Variants in GPBP1L1 observed in about 807,000 individuals in gnomAD.
The protein encoded by GPBP1L1 is GC-rich promoter binding protein 1 like 1, also known as vasculin-like protein 1.
A neutral mutation model predicts 52.5 loss-of-function variants in GPBP1L1; 23 were observed. The ratio of observed to expected loss-of-function variants is 0.44; its 90% CI spans 0.32 to 0.62. GPBP1L1 has a LOEUF of 0.62. Ranked by LOEUF, GPBP1L1 falls within the 20% of genes least tolerant of loss-of-function variation. The probability of loss-of-function intolerance (pLI) is 0.06; values close to 1 mark genes in which losing one functional copy is unlikely to be tolerated. For synonymous variants in GPBP1L1, 243 were observed against 203.1 expected (o/e 1.20, Z -1.67); for missense variants, 596 against 579.3 (o/e 1.03, Z -0.30).
intron 2 of GPBP1L1, among the ~76,000 whole-genome samples, chr1:45,667,439 CACA>C (rs1239422356): frequency 6.6e-6 from 1 of 152,182 alleles, no homozygotes; most frequent in African/African-American, 2.4e-5. Context: ...TTCGGTACTT[CACA>C]ACATGACCTA....
At chr1:45,670,899 T>C (rs543488771) in intron 2 of GPBP1L1, among the ~76,000 whole-genome samples, 1 of 150,666 alleles carries the variant, frequency 6.6e-6, no homozygotes, top group South Asian at 2.1e-4. Flanking sequence ...TTCACGCCAT[T>C]CTCCTGCCTC....
chr1:45,663,592 G>C (rs964230594), intron 2 of GPBP1L1, among the ~76,000 whole-genome samples: 3 of 152,230 alleles, frequency 2.0e-5, no homozygotes, highest in African/African-American at 7.2e-5. Context: ...TGCATGTGCA[G>C]AGTATGTGGT....
At chr1:45,662,307 A>T (rs764046474) in intron 2 of GPBP1L1, among the ~76,000 whole-genome samples, 2 of 152,102 alleles carry the variant, frequency 1.3e-5, no homozygotes, top group Non-Finnish European at 2.9e-5. Flanking sequence ...ATGCCCATCT[A>T]ATTAAAAAAC....
At chr1:45,673,049 C>T (rs1046354724) in intron 2 of GPBP1L1, among the ~76,000 whole-genome samples, 1 of 152,128 alleles carries the variant, frequency 6.6e-6, no homozygotes, top group Non-Finnish European at 1.5e-5. Context: ...TTTTACTGCA[C>T]TGATAGGAAT....
intron 2 of GPBP1L1, among the ~76,000 whole-genome samples, chr1:45,669,902 A>C (rs1645054370): frequency 6.6e-6 from 1 of 152,250 alleles, no homozygotes; most frequent in African/African-American, 2.4e-5. Flanking sequence ...ACTCCTTTTT[A>C]GTATTTCCCT....
chr1:45,675,224 G>A (rs1645124923), intron 2 of GPBP1L1, among the ~76,000 whole-genome samples: 1 of 152,042 alleles, frequency 6.6e-6, no homozygotes, highest in Non-Finnish European at 1.5e-5. Flanking sequence ...TTGAACCCAG[G>A]AGGCGGAGGT....
In GPBP1L1 at chr1:45,633,501, G is replaced by A. The variant is rs1360533399; in HGVS notation, c.1032C>T (p.Asp344=). Residue 344 remains aspartate, a synonymous_variant, in exon 10 of 13, where the codon GAC becomes GAT. Coordinates refer to ENST00000355105, the MANE Select transcript of GPBP1L1 (RefSeq NM_021639.5). ...CGGATGCTCTTACATCTTCCAGCTT[G>A]TCACAGTCTCTATTCTCTGAGAAGT... ...NGDFSENRDC[D]KLEDLEDNST... 6.2e-7 allele frequency: 1 copy of A among 1,613,914 alleles called. No homozygotes were observed.
At chr1:45,629,935 G>A (rs561834959) in intron 11 of GPBP1L1, among the ~76,000 whole-genome samples, 10 of 151,830 alleles carry the variant, frequency 6.6e-5, no homozygotes, top group Non-Finnish European at 1.5e-4. Context: ...AAGGAAGAAA[G>A]AGAGCACTTG....
intron 6 of GPBP1L1, 62 bp downstream of exon 6, chr1:45,654,481 G>A: frequency 7.2e-7 from 1 of 1,381,224 alleles, no homozygotes; most frequent in Non-Finnish European, 9.9e-7. Flanking sequence ...TTACTAACAG[G>A]GTCTCATATT....
chr1:45,639,737 C>T (rs1644645784), intron 8 of GPBP1L1, among the ~76,000 whole-genome samples: 2 of 151,914 alleles, frequency 1.3e-5, no homozygotes, highest in African/African-American at 2.4e-5. Context: ...AACACCGAGC[C>T]GGGTGTGGTG....
chr1:45,638,484 T>C (rs112053472), intron 8 of GPBP1L1, among the ~76,000 whole-genome samples: 210 of 152,346 alleles, frequency 1.4e-3, no homozygotes, highest in Middle Eastern at 3.4e-3. Context: ...CACCCACTTG[T>C]ATTTCTGTGA....
intron 2 of GPBP1L1, among the ~76,000 whole-genome samples, chr1:45,683,122 C>G (rs1569900561): frequency 1.4e-5 from 2 of 146,556 alleles, no homozygotes; most frequent in Middle Eastern, 3.5e-3. Context: ...GACCAACAGT[C>G]TTACTTTCAT....
upstream of GPBP1L1, chr1:45,687,293 G>A (rs1423118840): frequency 6.6e-6 from 1 of 152,312 alleles, no homozygotes; most frequent in African/African-American, 2.4e-5. Context: ...ACTACTGGAA[G>A]GGGCGGCGCT....
chr1:45,667,458 A>G (rs1181782065), intron 2 of GPBP1L1, among the ~76,000 whole-genome samples: 1 of 152,132 alleles, frequency 6.6e-6, no homozygotes. Flanking sequence ...ACCTAATTTT[A>G]TATTTTATAA....
intron 6 of GPBP1L1, among the ~76,000 whole-genome samples, chr1:45,644,855 T>C (rs1469718400): frequency 1.3e-5 from 2 of 152,216 alleles, no homozygotes; most frequent in African/African-American, 4.8e-5. Flanking sequence ...TACAATTCTT[T>C]ATAAAGTAGT....
chr1:45,674,429 CAG>C (rs1421579973), intron 2 of GPBP1L1, among the ~76,000 whole-genome samples: 2 of 152,168 alleles, frequency 1.3e-5, no homozygotes, highest in Non-Finnish European at 2.9e-5. Flanking sequence ...AAGTCTTTGT[CAG>C]AGAGCAGCAA....
At chr1:45,674,942 T>C (rs982111213) in intron 2 of GPBP1L1, among the ~76,000 whole-genome samples, 1 of 152,234 alleles carries the variant, frequency 6.6e-6, no homozygotes, top group Non-Finnish European at 1.5e-5. Flanking sequence ...GTCAATGTAA[T>C]GGTTCTTTAA....
rs59239639 is a variant in GPBP1L1, at chr1:45,652,720, ATT to A, written c.477+1821_477+1822del. 7.4e-4 allele frequency among the ~76,000 whole-genome samples: 110 copies of A among 147,704 alleles called. 1 individual carries two copies. The East Asian group carries it at 0.012, about 16-fold the overall frequency. ...AATAAGAATATACTGTGATTGCTGC[ATT>A]TTTTTTTTTTTAAGAGATAGAGTCT... On this transcript the variant is annotated intron_variant, in intron 6 of 12. Coordinates refer to ENST00000355105, the MANE Select transcript of GPBP1L1 (RefSeq NM_021639.5).
At position 45,679,803 on chromosome 1, in the gene GPBP1L1, A is replaced by T. The variant is rs988305087; in HGVS notation, c.-1098+5773T>A. Among the ~76,000 whole-genome samples the T allele has an allele frequency of 7.3e-5, 11 of 150,538 alleles. No individual in the cohort carries two copies. The Admixed American group carries it at 7.3e-4, about 10-fold the overall frequency. On this transcript the variant is annotated intron_variant, in intron 2 of 12. Coordinates refer to ENST00000355105, the MANE Select transcript of GPBP1L1 (RefSeq NM_021639.5). Reference sequence around the variant, plus strand: ...CACAGTGGCTCATGCCTGTAATCCCATCATGTGGGGAGGTAAAGATGGGAG... The same window carrying T: ...CACAGTGGCTCATGCCTGTAATCCCTTCATGTGGGGAGGTAAAGATGGGAG...
Sources: allele counts gnomAD v4.1 joint callset (sites outside exome capture counted in the v4.1 genomes callset), GRCh38; gene constraint gnomAD v4.1.1; transcripts MANE v1.5; gene names NCBI Gene and HGNC (gene_info 2026-07-23, HGNC 2026-07-21).